NRG1: variants seen among roughly 807,000 people sequenced by gnomAD.
The protein encoded by NRG1 is neuregulin 1.
Under a neutral mutation model 63.8 loss-of-function variants are expected in NRG1, and 18 were observed. The observed-to-expected ratio is 0.28, with a 90% CI of 0.19 to 0.42. NRG1 has a LOEUF of 0.42. Among genes scored for constraint, NRG1 ranks in the 10% least tolerant of loss-of-function variants. The pLI, the probability that NRG1 is intolerant of heterozygous loss-of-function variation, is 1.00. For synonymous variants in NRG1, 302 were observed against 301.3 expected (o/e 1.00, Z -0.02); for missense variants, 762 against 814.7 (o/e 0.94, Z 0.79).
At chr8:32,143,700 A>G (rs1356233875) in intron 1 of NRG1, among the ~76,000 whole-genome samples, 1 of 152,202 alleles carries the variant, frequency 6.6e-6, no homozygotes, top group Non-Finnish European at 1.5e-5. Context: ...TAAAGTTTAC[A>G]CTCCACAAGT....
chr8:31,870,623 A>G (rs1233794952), intron 1 of NRG1, among the ~76,000 whole-genome samples: 7 of 152,222 alleles, frequency 4.6e-5, no homozygotes, highest in Non-Finnish European at 1.0e-4. Context: ...ACACAAAATA[A>G]AACCAATCAT....
chr8:32,763,840 C>T, exon 12 of NRG1: 1 of 1,613,898 alleles, frequency 6.2e-7, no homozygotes, highest in Non-Finnish European at 8.5e-7. Flanking sequence ...GAAATGTCTC[C>T]ACCCGTGTCC....
intron 1 of NRG1, chr8:32,063,191 T>C (rs6983647): frequency 0.52 from 79,558 of 151,836 alleles, 21,535 homozygotes; most frequent in South Asian, 0.6. Flanking sequence ...ATTAAGAACA[T>C]TGAAGGTGAG....
At chr8:31,803,140 T>C (rs17603596) in intron 1 of NRG1, among the ~76,000 whole-genome samples, 22,359 of 152,176 alleles carry the variant, frequency 0.15, 1,793 homozygotes, top group Admixed American at 0.21. Context: ...TCTGATCTGC[T>C]AGTGAGAGAA....
intron 1 of NRG1, among the ~76,000 whole-genome samples, chr8:32,282,704 T>G (rs960297155): frequency 1.3e-5 from 2 of 152,226 alleles, no homozygotes; most frequent in East Asian, 3.8e-4. Flanking sequence ...AACAGGTTGC[T>G]TAACCCTTAA....
At chr8:32,060,272 C>G (rs1352338665) in intron 1 of NRG1, among the ~76,000 whole-genome samples, 1 of 151,194 alleles carries the variant, frequency 6.6e-6, no homozygotes, top group Non-Finnish European at 1.5e-5. Context: ...AAATGGCAGA[C>G]TGCTTTTTTT....
intron 1 of NRG1, among the ~76,000 whole-genome samples, chr8:31,748,727 C>A (rs924121235): frequency 6.6e-6 from 1 of 151,736 alleles, no homozygotes; most frequent in African/African-American, 2.4e-5. Flanking sequence ...CATCTTTTCA[C>A]CTTTCTCTCC....
intron 1 of NRG1, among the ~76,000 whole-genome samples, chr8:31,962,068 A>G (rs967756084): frequency 3.3e-5 from 5 of 152,182 alleles, no homozygotes; most frequent in African/African-American, 1.2e-4. Flanking sequence ...AAGATGTTTG[A>G]AAGTCATATT....
chr8:32,349,891 A>G (rs1805377622), intron 1 of NRG1, among the ~76,000 whole-genome samples: 1 of 152,216 alleles, frequency 6.6e-6, no homozygotes, highest in Non-Finnish European at 1.5e-5. Flanking sequence ...TTGCAGCAGC[A>G]GGATTGTGGC....
chr8:32,696,992 A>G (rs1032416073), intron 5 of NRG1, among the ~76,000 whole-genome samples: 2 of 152,162 alleles, frequency 1.3e-5, no homozygotes, highest in African/African-American at 4.8e-5. Context: ...ATGGTCTGCT[A>G]TCCTTAATTG....
intron 5 of NRG1, among the ~76,000 whole-genome samples, chr8:32,635,571 T>C (rs1287593185): frequency 6.6e-6 from 1 of 152,190 alleles, no homozygotes; most frequent in Non-Finnish European, 1.5e-5. Flanking sequence ...TTAGTTATTT[T>C]TATACTCATT....
At chr8:32,722,676 AAC>A (rs1279996181) in intron 5 of NRG1, among the ~76,000 whole-genome samples, 1 of 152,216 alleles carries the variant, frequency 6.6e-6, no homozygotes, top group East Asian at 1.9e-4. Flanking sequence ...AAATTGTTAT[AAC>A]ACATAATACA....
chr8:31,830,211 G>A (rs186028974), intron 1 of NRG1, among the ~76,000 whole-genome samples: 78 of 152,296 alleles, frequency 5.1e-4, no homozygotes, highest in African/African-American at 1.8e-3. Flanking sequence ...ACAAGGGAAT[G>A]AGTTGTTACT....
chr8:32,121,853 TG>T (rs1293681819), intron 1 of NRG1, among the ~76,000 whole-genome samples: 4 of 151,998 alleles, frequency 2.6e-5, no homozygotes, highest in Non-Finnish European at 4.4e-5. Context: ...TATTTAATTT[TG>T]TCCAAATAAA....
At chr8:32,667,764 CT>C (rs1358487117) in intron 5 of NRG1, among the ~76,000 whole-genome samples, 3 of 152,070 alleles carry the variant, frequency 2.0e-5, no homozygotes, top group Non-Finnish European at 2.9e-5. Flanking sequence ...GGCTGATTGA[CT>C]TTGATTACTG....
At chr8:31,816,903 A>T (rs1454089946) in intron 1 of NRG1, among the ~76,000 whole-genome samples, 1 of 152,196 alleles carries the variant, frequency 6.6e-6, no homozygotes, top group African/African-American at 2.4e-5. Flanking sequence ...TGATTGATTT[A>T]GATGTTATGA....
At chr8:31,718,829 T>G (rs1812621602) in intron 1 of NRG1, among the ~76,000 whole-genome samples, 1 of 152,194 alleles carries the variant, frequency 6.6e-6, no homozygotes, top group Non-Finnish European at 1.5e-5. Flanking sequence ...GATATATATG[T>G]GATGATTAAG....
chr8:32,409,630 G>C (rs1477663138), intron 1 of NRG1, among the ~76,000 whole-genome samples: 3 of 152,180 alleles, frequency 2.0e-5, no homozygotes, highest in African/African-American at 7.2e-5. Context: ...ACAGTTAATG[G>C]AAAATGAACA....
At chr8:32,210,960 T>G (rs1408946538) in intron 1 of NRG1, among the ~76,000 whole-genome samples, 1 of 152,258 alleles carries the variant, frequency 6.6e-6, no homozygotes, top group Non-Finnish European at 1.5e-5. Context: ...TATTTGTTGC[T>G]GTTTTTCTTT....
Sources: gnomAD v4.1 joint callset for allele counts (sites outside exome capture counted in the v4.1 genomes callset) on GRCh38, gnomAD v4.1.1 for gene constraint, MANE v1.5 for transcripts, NCBI Gene and HGNC (gene_info 2026-07-23, HGNC 2026-07-21) for gene names.